The following PVT1 variants were observed in gnomAD, a reference collection of about 807,000 sequenced individuals.
PVT1 encodes the protein CXCR4/PVT1 fusion.
At chr8:127,800,170 G>A (rs1366291312) in intron 2 of PVT1, among the ~76,000 whole-genome samples, 3 of 152,174 alleles carry the variant, frequency 2.0e-5, no homozygotes. Flanking sequence ...TTTGAGTAAA[G>A]CAATTATTAT....
chr8:128,100,526 G>A (rs1173215879), intron 6 of PVT1, among the ~76,000 whole-genome samples: 5 of 152,156 alleles, frequency 3.3e-5, no homozygotes, highest in Non-Finnish European at 7.3e-5. Flanking sequence ...CAGACCTAAA[G>A]GAACCTGCTG....
At chr8:127,989,618 GA>G (rs1817008590) in intron 4 of PVT1, among the ~76,000 whole-genome samples, 1 of 152,194 alleles carries the variant, frequency 6.6e-6, no homozygotes. Context: ...CAGCCTTGGG[GA>G]AAAGAGGAAA....
intron 3 of PVT1, among the ~76,000 whole-genome samples, chr8:127,930,718 C>T (rs1816196202): frequency 6.6e-6 from 1 of 152,144 alleles, no homozygotes; most frequent in Non-Finnish European, 1.5e-5. Flanking sequence ...CCCTCACTGA[C>T]ATGCCCAGGT....
At chr8:128,086,693 A>G (rs992102191) in intron 5 of PVT1, among the ~76,000 whole-genome samples, 10 of 152,198 alleles carry the variant, frequency 6.6e-5, no homozygotes, top group Admixed American at 2.0e-4. Context: ...TCCGATAAGG[A>G]TGTTCTTACC....
At chr8:127,994,968 T>C (rs1817088578) in intron 4 of PVT1, among the ~76,000 whole-genome samples, 1 of 152,226 alleles carries the variant, frequency 6.6e-6, no homozygotes, top group Non-Finnish European at 1.5e-5. Flanking sequence ...GATAATCTCA[T>C]CTGGACATAC....
At position 128,035,741 on chromosome 8, in the gene PVT1, G is replaced by T. The variant is rs958568823; in HGVS notation, n.913-34419G>T. ...AATCACAAATAGTTACTTATTAGTG[G>T]TTCCTTATTAGAGGGAGGCAGAGGG... On this transcript the variant is annotated intron_variant and non_coding_transcript_variant, in intron 4 of 10. Coordinates refer to ENST00000651587, the Ensembl canonical transcript of PVT1. Among the ~76,000 whole-genome samples, 12 of 152,326 alleles carry T rather than the reference G, an allele frequency of 7.9e-5. No homozygotes were observed. The East Asian group carries it at 2.3e-3, about 29-fold the overall frequency.
chr8:127,975,267 C>T (rs1816811052), intron 3 of PVT1, among the ~76,000 whole-genome samples: 2 of 152,180 alleles, frequency 1.3e-5, no homozygotes, highest in Admixed American at 1.3e-4. Flanking sequence ...TATGCTGCTT[C>T]CATCAACATG....
At position 127,915,439 on chromosome 8, in the gene PVT1, C is replaced by T. The variant is rs926326631; in HGVS notation, n.782+24441C>T. On this transcript the variant is annotated intron_variant and non_coding_transcript_variant, in intron 3 of 10. Transcript: ENST00000651587. The stretch of plus-strand genomic sequence containing the variant: ...ACCAGCCTGACCAACATGGAGAAAT[C>T]CTTTCCCTACTAAAAATACGAAATT... Among the ~76,000 whole-genome samples the T allele has an allele frequency of 3.3e-5, 5 of 151,528 alleles. No homozygotes were observed. In the East Asian group the frequency reaches 9.8e-4, roughly 30 times the overall value.
In PVT1 at chr8:127,990,881, G is replaced by A. The variant is rs535348779; in HGVS notation, n.912+1590G>A. 2.0e-5 allele frequency among the ~76,000 whole-genome samples: 3 copies of A among 152,300 alleles called. No homozygotes were observed. The East Asian group carries it at 5.8e-4, about 29-fold the overall frequency. On this transcript the variant is annotated intron_variant and non_coding_transcript_variant, in intron 4 of 10. Transcript: ENST00000651587. ...GGATGGTGGAGGGGATTTTCTCCAT[G>A]CCGGGAGGCTTCCTGGAGCAGGTGC... is the stretch of plus-strand genomic sequence containing the variant.
chr8:127,826,477 G>T (rs1814790042), intron 2 of PVT1, among the ~76,000 whole-genome samples: 1 of 152,158 alleles, frequency 6.6e-6, no homozygotes, highest in Admixed American at 6.5e-5. Context: ...TCATCGTTTG[G>T]AATCTTCAGA....
At chr8:128,078,753 AATTATC>A (rs929952509) in intron 5 of PVT1, among the ~76,000 whole-genome samples, 1 of 152,198 alleles carries the variant, frequency 6.6e-6, no homozygotes, top group Non-Finnish European at 1.5e-5. Context: ...ACATACTATC[AATTATC>A]ATTATCAATG....
intron 4 of PVT1, among the ~76,000 whole-genome samples, chr8:128,058,358 CTAAT>C (rs1456855784): frequency 1.3e-5 from 2 of 150,684 alleles, no homozygotes; most frequent in African/African-American, 4.9e-5. Context: ...TTAGATGTAA[CTAAT>C]TAAACAAACT....
At chr8:127,831,139 A>ATCTCTC (rs147278525) in intron 2 of PVT1, among the ~76,000 whole-genome samples, 4 of 142,064 alleles carry the variant, frequency 2.8e-5, no homozygotes, top group Admixed American at 2.1e-4. Flanking sequence ...ATCTATATCT[A>ATCTCTC]TCTCTCTCTC....
intron 2 of PVT1, among the ~76,000 whole-genome samples, chr8:127,855,986 A>G (rs1271090354): frequency 1.3e-5 from 2 of 152,206 alleles, no homozygotes; most frequent in Admixed American, 1.3e-4. Context: ...TGCCATTTAT[A>G]TTCAAGTTCA....
intron 2 of PVT1, among the ~76,000 whole-genome samples, chr8:127,851,438 C>G (rs1290997360): frequency 1.3e-5 from 2 of 152,170 alleles, no homozygotes; most frequent in Non-Finnish European, 2.9e-5. Flanking sequence ...GCCCATGGCC[C>G]TCATCTGTAC....
intron 4 of PVT1, among the ~76,000 whole-genome samples, chr8:128,018,180 T>C (rs1053709095): frequency 1.3e-5 from 2 of 152,158 alleles, no homozygotes; most frequent in Non-Finnish European, 2.9e-5. Context: ...TAAAAATGAC[T>C]TCATTATGGG....
intron 5 of PVT1, among the ~76,000 whole-genome samples, chr8:128,094,713 A>T (rs1814403494): frequency 6.6e-6 from 1 of 152,224 alleles, no homozygotes; most frequent in Non-Finnish European, 1.5e-5. Context: ...CCCTGTCTTC[A>T]TTCCCTTTCA....
chr8:127,812,436 C>T (rs1360672445), intron 2 of PVT1, among the ~76,000 whole-genome samples: 4 of 151,926 alleles, frequency 2.6e-5, no homozygotes. Context: ...TAGCCAGTGG[C>T]ATGCACCTGT....
At chr8:127,994,240 G>A (rs985253706) in intron 4 of PVT1, among the ~76,000 whole-genome samples, 7 of 152,182 alleles carry the variant, frequency 4.6e-5, no homozygotes, top group Non-Finnish European at 1.0e-4. Flanking sequence ...AGTGCCTCTT[G>A]TGGGACGGGT....
Sources: gnomAD v4.1 joint callset for allele counts (sites outside exome capture counted in the v4.1 genomes callset) on GRCh38, gnomAD v4.1.1 for gene constraint, MANE v1.5 for transcripts, NCBI Gene and HGNC (gene_info 2026-07-23, HGNC 2026-07-21) for gene names.